HPSE: variants seen among roughly 807,000 people sequenced by gnomAD.
HPSE encodes the protein endo-glucoronidase.
HPSE carries 48 observed loss-of-function variants against 65.1 expected under a neutral mutation model. The ratio of observed to expected loss-of-function variants is 0.74; its 90% CI spans 0.58 to 0.94. HPSE has a LOEUF of 0.94. HPSE is among the 40% of genes least tolerant of loss of function. The probability of loss-of-function intolerance (pLI) is 0.00; values close to 1 mark genes in which losing one functional copy is unlikely to be tolerated. For missense variants in HPSE, 644 were observed against 637.5 expected (o/e 1.01, Z -0.11); for synonymous variants, 243 against 260.0 (o/e 0.93, Z 0.63).
intron 2 of HPSE, among the ~76,000 whole-genome samples, chr4:83,320,567 A>G (rs2126193995): frequency 6.8e-6 from 1 of 146,040 alleles, no homozygotes; most frequent in African/African-American, 2.5e-5. Flanking sequence ...CCCTGTCTCA[A>G]AAAAAAAAAA....
rs977588073 is a variant in HPSE at position 83,324,417 on chromosome 4, A to C, written c.228-2053T>G. Among the ~76,000 whole-genome samples, 11 of 152,204 alleles carry C rather than the reference A, an allele frequency of 7.2e-5. 1 individual carries two copies. The highest frequency in any genetic ancestry group is 1.3e-4 in the Admixed American group (2 of 15,270). ...ATTTTCAAAGTATTTCTTTATGCTT[A>C]GGAAATAAACTAAAAGATAGAAATT... On this transcript the variant is annotated intron_variant, in intron 1 of 11. Coordinates refer to ENST00000311412, the MANE Select transcript of HPSE (RefSeq NM_001098540.3).
chr4:83,308,160 C>T (rs1381366197), intron 8 of HPSE, among the ~76,000 whole-genome samples: 1 of 151,384 alleles, frequency 6.6e-6, no homozygotes, highest in Non-Finnish European at 1.5e-5. Flanking sequence ...GTAATCCCAG[C>T]ATTTTGGAAG....
intron 9 of HPSE, among the ~76,000 whole-genome samples, chr4:83,304,926 A>G (rs6811869): frequency 0.18 from 27,003 of 152,080 alleles, 3,139 homozygotes; most frequent in African/African-American, 0.33. Flanking sequence ...GGACTACAGT[A>G]TGGCTTCCTG....
Position 83,306,334 on chromosome 4 carries a change from C to G in HPSE, c.1092-17G>C, listed in dbSNP as rs778724600. On this transcript the variant is annotated splice_polypyrimidine_tract_variant and intron_variant, in intron 8 of 11. Transcript: ENST00000311412. ...TCCAGCCACCTGGGACAGAGCAAGA[C>G]CAAGCTTTCTTGAGGTTTGGAAACA... 7 of 1,441,846 alleles carry G rather than the reference C, an allele frequency of 4.9e-6. No homozygotes were observed. The highest frequency in any genetic ancestry group is 5.8e-6 in the Non-Finnish European group (6 of 1,025,968). The allele number at this position is 1,441,846 out of a possible 1,614,324, so 89.3% of individuals were successfully genotyped here. A position where few individuals can be genotyped will look rare whatever the true frequency, so the allele number is the denominator to read the frequency against.
rs375087974 is a variant in HPSE at position 83,322,349 on chromosome 4, A to G, written c.243T>C (p.Arg81=). 6 of 1,612,376 alleles carry G rather than the reference A, an allele frequency of 3.7e-6. No homozygotes were observed. Among genetic ancestry groups the G allele is most frequent in the Non-Finnish European group, 5.1e-6 (6 of 1,179,388 alleles). Residue 81 remains arginine (R), a synonymous_variant, in exon 2 of 12, where the codon CGT becomes CGC. Transcript: ENST00000311412. ...CAGGAGACAAGCCTCTGGCCAAGGT[A>G]CGAAGCTTTGGAGAACTGTTAGGAA... The part of the protein sequence containing the change: ...FLILLGSPKL[R]TLARGLSPAY...
At position 83,294,984 on chromosome 4, in the gene HPSE, G is replaced by A. The variant is rs1735669441; in HGVS notation, c.*360C>T. 6.6e-6 allele frequency: 1 copy of A among 152,652 alleles called. No individual in the cohort carries two copies. The highest frequency in any genetic ancestry group is 2.4e-5 in the African/African-American group (1 of 41,458). 9.5% of individuals were successfully genotyped at this position (152,652 alleles called of 1,614,324 possible). A position where few individuals can be genotyped will look rare whatever the true frequency, so the allele number is the denominator to read the frequency against. On this transcript the variant is annotated 3_prime_UTR_variant, in exon 12 of 12. Coordinates refer to ENST00000311412, the MANE Select transcript of HPSE (RefSeq NM_001098540.3). ...CTCAGGAAGCTGAGGCAGGAGAATT[G>A]CTTAAAGTTGCAGTGAGCCAAGATC...
At position 83,334,711 on chromosome 4, in the gene HPSE, G is replaced by A; in HGVS notation, c.72C>T (p.Leu24=). 3.8e-6 allele frequency: 6 copies of A among 1,567,788 alleles called. No individual in the cohort carries two copies. Among genetic ancestry groups the A allele is most frequent in the Non-Finnish European group, 5.2e-6 (6 of 1,156,060 alleles). ...CAGGTCGGGGCAGGGCGCCAGGGGA[G>A]AGGGGACCCAGCGGCCCCAGGAGCA... is the stretch of plus-strand genomic sequence containing the variant. ...MLLLLGPLGP[L]SPGALPRPAQ... Residue 24 remains leucine, a synonymous_variant, in exon 1 of 12, where the codon CTC becomes CTT. Coordinates refer to ENST00000311412, the MANE Select transcript of HPSE (RefSeq NM_001098540.3).
At chr4:83,332,692 G>A (rs1578031606) in intron 1 of HPSE, among the ~76,000 whole-genome samples, 1 of 152,320 alleles carries the variant, frequency 6.6e-6, no homozygotes, top group South Asian at 2.1e-4. Flanking sequence ...CTACGTGTTA[G>A]GGGGGTGTTA....
At chr4:83,302,097 C>G (rs530828115) in intron 10 of HPSE, 53 bp downstream of exon 10, 1 of 1,190,548 alleles carries the variant, frequency 8.4e-7, no homozygotes, top group South Asian at 1.3e-5. Flanking sequence ...AGTAAAGTTA[C>G]AGGCTTACCC....
At chr4:83,320,314 C>T (rs1251844041) in intron 2 of HPSE, among the ~76,000 whole-genome samples, 16 of 152,160 alleles carry the variant, frequency 1.1e-4, no homozygotes, top group Admixed American at 1.0e-3. Context: ...CTTGTAATTC[C>T]AGCTCTTTGG....
intron 1 of HPSE, among the ~76,000 whole-genome samples, chr4:83,334,066 T>C (rs988872113): frequency 6.6e-6 from 1 of 152,168 alleles, no homozygotes; most frequent in African/African-American, 2.4e-5. Flanking sequence ...TTTCCACTTA[T>C]ACCTGACCTT....
intron 1 of HPSE, 27 bp downstream of exon 1, chr4:83,334,529 G>A: frequency 6.4e-7 from 1 of 1,553,828 alleles, no homozygotes; most frequent in Non-Finnish European, 8.7e-7. Flanking sequence ...ACAGGAAAGG[G>A]GACAGGACCA....
At chr4:83,332,107 C>G (rs1737397286) in intron 1 of HPSE, among the ~76,000 whole-genome samples, 1 of 152,254 alleles carries the variant, frequency 6.6e-6, no homozygotes, top group African/African-American at 2.4e-5. Context: ...GTGTCCTCCT[C>G]TCTTTCCTTA....
chr4:83,300,404 G>A lies in HPSE; in HGVS notation c.1472+556C>T, dbSNP rs369959083. 7.9e-5 allele frequency among the ~76,000 whole-genome samples: 12 copies of A among 152,272 alleles called. No homozygotes were observed. In the East Asian group the frequency reaches 1.3e-3, roughly 17 times the overall value. Reference sequence around the variant, plus strand: ...TTTTTAGAGTAAATAATTTAAATGCGTTGAGTGGATCTTGATATGTCAAGT... The same window carrying A: ...TTTTTAGAGTAAATAATTTAAATGCATTGAGTGGATCTTGATATGTCAAGT... On this transcript the variant is annotated intron_variant, in intron 11 of 11. Transcript: ENST00000311412.
At chr4:83,305,855 G>T (rs370169719) in intron 9 of HPSE, among the ~76,000 whole-genome samples, 2 of 152,110 alleles carry the variant, frequency 1.3e-5, no homozygotes, top group African/African-American at 4.8e-5. Flanking sequence ...GAAGCTTTGC[G>T]TACTGTAGGC....
At chr4:83,304,237 C>T (rs1300967958) in intron 9 of HPSE, among the ~76,000 whole-genome samples, 2 of 151,992 alleles carry the variant, frequency 1.3e-5, no homozygotes, top group African/African-American at 2.4e-5. Context: ...CTTCTAGTGC[C>T]ATCTCTACAC....
At chr4:83,330,957 C>A (rs987398203) in intron 1 of HPSE, among the ~76,000 whole-genome samples, 1 of 152,196 alleles carries the variant, frequency 6.6e-6, no homozygotes, top group Non-Finnish European at 1.5e-5. Flanking sequence ...GTAATCCCAA[C>A]ACTTTGGGAG....
At position 83,294,265 on chromosome 4, in the gene HPSE, T is replaced by G. The variant is rs771669747; in HGVS notation, c.*1079A>C. On this transcript the variant is annotated 3_prime_UTR_variant, in exon 12 of 12. Transcript: ENST00000311412. ...TTAGTAGAGATGGGGTTTCACCATG[T>G]TGGCCAGGCTGGTATCAAATTCCTC... The G allele has an allele frequency of 6.6e-6, 1 of 152,246 alleles. No homozygotes were observed. The highest frequency in any genetic ancestry group is 1.5e-5 in the Non-Finnish European group (1 of 68,110). The allele number at this position is 152,246 out of a possible 1,614,324, so 9.4% of individuals were successfully genotyped here.
intron 1 of HPSE, among the ~76,000 whole-genome samples, chr4:83,330,687 G>A (rs1372109803): frequency 6.6e-6 from 1 of 152,196 alleles, no homozygotes; most frequent in African/African-American, 2.4e-5. Flanking sequence ...AGGAAAATAA[G>A]CAAATTGCAA....
Sources: allele counts gnomAD v4.1 joint callset (sites outside exome capture counted in the v4.1 genomes callset), GRCh38; gene constraint gnomAD v4.1.1; transcripts MANE v1.5; gene names NCBI Gene and HGNC (gene_info 2026-07-23, HGNC 2026-07-21).